The following RPH3A variants were observed in gnomAD, a reference collection of about 807,000 sequenced individuals.
RPH3A encodes rabphilin-3A.
In RPH3A, 48 loss-of-function variants were observed where a neutral mutation model predicts 102.2. That is an observed-to-expected ratio of 0.47 (90% CI 0.37 to 0.60). RPH3A has a LOEUF of 0.60. Ranked by LOEUF, RPH3A falls within the 20% of genes least tolerant of loss-of-function variation. RPH3A has a pLI of 0.00. For synonymous variants in RPH3A, 310 were observed against 324.3 expected (o/e 0.96, Z 0.47); for missense variants, 781 against 910.1 (o/e 0.86, Z 1.83).
chr12:112,834,222 A>AGT (rs1229503792), intron 3 of RPH3A, among the ~76,000 whole-genome samples: 8 of 152,228 alleles, frequency 5.3e-5, no homozygotes, highest in African/African-American at 1.9e-4. Flanking sequence ...GGAATCATCC[A>AGT]GTGTGTACCC....
At chr12:112,602,597 A>G (rs1189777264) in intron 1 of RPH3A, among the ~76,000 whole-genome samples, 1 of 152,130 alleles carries the variant, frequency 6.6e-6, no homozygotes, top group African/African-American at 2.4e-5. Context: ...CAATCCAAAC[A>G]TATTTATAAA....
At chr12:112,862,698 G>A (rs765417553) in intron 5 of RPH3A, among the ~76,000 whole-genome samples, 15 of 152,194 alleles carry the variant, frequency 9.9e-5, no homozygotes, top group Non-Finnish European at 2.1e-4. Context: ...GGGTCACAGC[G>A]GAGGCTCCAG....
At chr12:112,837,173 T>C (rs1157212951) in intron 4 of RPH3A, among the ~76,000 whole-genome samples, 1 of 152,198 alleles carries the variant, frequency 6.6e-6, no homozygotes, top group Admixed American at 6.5e-5. Flanking sequence ...CCCGCAATCA[T>C]GGGACTCTGG....
At chr12:112,743,746 G>C (rs1365066195) in intron 1 of RPH3A, among the ~76,000 whole-genome samples, 3 of 152,142 alleles carry the variant, frequency 2.0e-5, no homozygotes, top group African/African-American at 7.2e-5. Flanking sequence ...GACAAGATTT[G>C]TGGCAAGAAA....
chr12:112,610,628 T>TA (rs2039632788), intron 1 of RPH3A, among the ~76,000 whole-genome samples: 1 of 152,020 alleles, frequency 6.6e-6, no homozygotes, highest in Non-Finnish European at 1.5e-5. Flanking sequence ...AAAATTATTA[T>TA]TTTATTTATT....
chr12:112,707,894 T>C (rs771371444), intron 1 of RPH3A, among the ~76,000 whole-genome samples: 27 of 152,338 alleles, frequency 1.8e-4, no homozygotes, highest in Non-Finnish European at 2.6e-4. Context: ...GGCTGCCAAG[T>C]GAGGAGATAG....
chr12:112,852,844 C>T (rs1051718452), intron 5 of RPH3A, among the ~76,000 whole-genome samples: 2 of 152,186 alleles, frequency 1.3e-5, no homozygotes, highest in African/African-American at 2.4e-5. Flanking sequence ...TGGTAAGGCC[C>T]TCTTTATCCT....
chr12:112,653,683 A>G (rs1461099550), intron 1 of RPH3A, among the ~76,000 whole-genome samples: 1 of 152,208 alleles, frequency 6.6e-6, no homozygotes, highest in African/African-American at 2.4e-5. Context: ...AGTTTGTTAT[A>G]TAGGCAAACT....
At chr12:112,710,228 G>C (rs112000911) in intron 1 of RPH3A, among the ~76,000 whole-genome samples, 1 of 152,182 alleles carries the variant, frequency 6.6e-6, no homozygotes, top group Non-Finnish European at 1.5e-5. Flanking sequence ...CGCCTGTCTC[G>C]GCCTCCCAAA....
chr12:112,879,058 G>A (rs2136242167), intron 13 of RPH3A, 61 bp from the exon 14 acceptor site: 1 of 1,417,176 alleles, frequency 7.1e-7, no homozygotes, highest in Non-Finnish European at 1.0e-6. Flanking sequence ...TAAGTGTTCA[G>A]GAAATGTTTG....
At chr12:112,830,679 G>A (rs2041955836) in intron 3 of RPH3A, among the ~76,000 whole-genome samples, 1 of 151,926 alleles carries the variant, frequency 6.6e-6, no homozygotes, top group African/African-American at 2.4e-5. Context: ...GTTGATCTAT[G>A]TTACTGAAAA....
At chr12:112,878,858 C>G (rs975295587) in intron 13 of RPH3A, among the ~76,000 whole-genome samples, 3 of 152,182 alleles carry the variant, frequency 2.0e-5, no homozygotes, top group African/African-American at 7.2e-5. Context: ...CCAGCTATTG[C>G]CCTCATGGGG....
At position 112,801,338 on chromosome 12, in the gene RPH3A, T is replaced by C. The variant is rs565311118; in HGVS notation, c.-19+9075T>C. On this transcript the variant is annotated intron_variant, in intron 2 of 21. Coordinates refer to ENST00000389385, the MANE Select transcript of RPH3A (RefSeq NM_001143854.2). ...GGAAGGAGACTCATCACACAGAGCATGCAGCAGGCTTGCCTTTCAGATAGA... is the reference window on the plus strand; with the variant it reads ...GGAAGGAGACTCATCACACAGAGCACGCAGCAGGCTTGCCTTTCAGATAGA... Among the ~76,000 whole-genome samples, 33 of 152,360 alleles carry C rather than the reference T, an allele frequency of 2.2e-4. No homozygotes were observed. In the South Asian group the frequency reaches 6.4e-3, roughly 30 times the overall value.
intron 4 of RPH3A, among the ~76,000 whole-genome samples, chr12:112,843,233 C>T (rs73198793): frequency 0.08 from 12,179 of 152,268 alleles, 710 homozygotes; most frequent in Non-Finnish European, 0.12. Flanking sequence ...GCCATTCTGT[C>T]CCCTGAGAGC....
chr12:112,612,480 T>G (rs2039646263), intron 1 of RPH3A, among the ~76,000 whole-genome samples: 1 of 151,494 alleles, frequency 6.6e-6, no homozygotes. Flanking sequence ...CTCTTTTCTG[T>G]CCCTGGGGTT....
At chr12:112,651,557 A>G (rs1340002529) in intron 1 of RPH3A, among the ~76,000 whole-genome samples, 1 of 152,238 alleles carries the variant, frequency 6.6e-6, no homozygotes, top group Non-Finnish European at 1.5e-5. Flanking sequence ...CGTGGAATAC[A>G]TGAACTTTCA....
At chr12:112,881,551 A>G (rs1209310658) in intron 14 of RPH3A, among the ~76,000 whole-genome samples, 1 of 152,218 alleles carries the variant, frequency 6.6e-6, no homozygotes, top group Admixed American at 6.5e-5. Flanking sequence ...AACTTGCCTA[A>G]GGTCACATAG....
Position 112,879,208 on chromosome 12 carries a change from G to A in RPH3A, c.1251+10G>A, listed in dbSNP as rs753631708. On this transcript the variant is annotated intron_variant, in intron 14 of 21. Transcript: ENST00000389385. ...CATCATTAAGGCCAAGGTGGGTGAT[G>A]GGGACCATGCAGGGAACCTCTCAGG... 20 of 1,612,282 alleles carry A rather than the reference G, an allele frequency of 1.2e-5. No individual in the cohort carries two copies. The highest frequency in any genetic ancestry group is 1.7e-5 in the Non-Finnish European group (20 of 1,178,804).
At chr12:112,700,873 C>T (rs925141176) in intron 1 of RPH3A, among the ~76,000 whole-genome samples, 1 of 152,190 alleles carries the variant, frequency 6.6e-6, no homozygotes, top group Non-Finnish European at 1.5e-5. Flanking sequence ...ATTCTCATGT[C>T]CCAACCACCT....
Sources: gnomAD v4.1 joint callset for allele counts (sites outside exome capture counted in the v4.1 genomes callset) on GRCh38, gnomAD v4.1.1 for gene constraint, MANE v1.5 for transcripts, NCBI Gene and HGNC (gene_info 2026-07-23, HGNC 2026-07-21) for gene names.